Variants in CDH18 observed in about 807,000 individuals in gnomAD.
The protein encoded by CDH18 is cadherin 18, also known as cadherin-18.
CDH18 carries 31 observed loss-of-function variants against 67.9 expected under a neutral mutation model. That is an observed-to-expected ratio of 0.46 (90% CI 0.34 to 0.62). The LOEUF (loss-of-function observed/expected upper bound fraction) is 0.62, where lower values mean the gene tolerates loss of function less well. Among genes scored for constraint, CDH18 ranks in the 20% least tolerant of loss-of-function variants. CDH18 has a pLI of 0.01. For synonymous variants in CDH18, 362 were observed against 347.2 expected (o/e 1.04, Z -0.48); for missense variants, 890 against 975.5 (o/e 0.91, Z 1.17).
chr5:20,390,949 C>G (rs369726400), intron 1 of CDH18, among the ~76,000 whole-genome samples: 145 of 151,676 alleles, frequency 9.6e-4, no homozygotes, highest in African/African-American at 3.3e-3. Flanking sequence ...ACACATGGAC[C>G]CAGGAAGGGG....
chr5:19,943,255 A>G lies in CDH18; in HGVS notation c.-257+37805T>C, dbSNP rs374751387. Among the ~76,000 whole-genome samples the G allele has an allele frequency of 6.0e-4, 91 of 152,268 alleles. No individual in the cohort carries two copies. In the South Asian group the frequency reaches 0.016, roughly 27 times the overall value. On this transcript the variant is annotated intron_variant, in intron 2 of 12. Coordinates refer to ENST00000382275, the MANE Select transcript of CDH18 (RefSeq NM_004934.5). ...GTTAAAGGATTTGACAAGCATATAC[A>G]GTTGCTGTATGGTGAAGTTAGAATT...
intron 2 of CDH18, among the ~76,000 whole-genome samples, chr5:20,075,235 T>C (rs1743822524): frequency 6.6e-6 from 1 of 152,128 alleles, no homozygotes; most frequent in Non-Finnish European, 1.5e-5. Context: ...CTGGACGCAG[T>C]GGATCACACC....
At chr5:20,389,290 C>T (rs1023181313) in intron 1 of CDH18, among the ~76,000 whole-genome samples, 7 of 152,092 alleles carry the variant, frequency 4.6e-5, no homozygotes, top group African/African-American at 1.7e-4. Flanking sequence ...TGAATTGATC[C>T]CTTTACCATT....
At chr5:20,244,270 G>C (rs2940455) in intron 2 of CDH18, among the ~76,000 whole-genome samples, 71,873 of 151,832 alleles carry the variant, frequency 0.47, 17,943 homozygotes, top group Middle Eastern at 0.63. Flanking sequence ...GAATAAGACT[G>C]TCAAAGAAAG....
chr5:19,559,608 C>A (rs559530537), intron 8 of CDH18, among the ~76,000 whole-genome samples: 1 of 152,080 alleles, frequency 6.6e-6, no homozygotes, highest in African/African-American at 2.4e-5. Context: ...TGGAACAAGT[C>A]AAGGATGTTT....
chr5:19,942,074 A>C (rs576234194), intron 2 of CDH18, among the ~76,000 whole-genome samples: 69 of 152,252 alleles, frequency 4.5e-4, no homozygotes, highest in African/African-American at 1.6e-3. Flanking sequence ...ACTTCAAAAA[A>C]ATAAGACCTA....
intron 5 of CDH18, among the ~76,000 whole-genome samples, chr5:19,685,753 C>T (rs1165031709): frequency 6.6e-6 from 1 of 152,150 alleles, no homozygotes; most frequent in East Asian, 1.9e-4. Context: ...TATTACATCA[C>T]CTGTGTAAAC....
intron 7 of CDH18, among the ~76,000 whole-genome samples, chr5:19,587,024 CTGTT>C (rs1349816719): frequency 1.3e-5 from 2 of 151,418 alleles, no homozygotes; most frequent in Admixed American, 6.6e-5. Context: ...AAGTGTCTGT[CTGTT>C]CATGTCCTTT....
chr5:19,714,244 C>T (rs1765071847), intron 5 of CDH18, among the ~76,000 whole-genome samples: 1 of 150,628 alleles, frequency 6.6e-6, no homozygotes, highest in Non-Finnish European at 1.5e-5. Context: ...CTGGCCAGAG[C>T]AGTGTTGATA....
At chr5:20,373,861 C>T (rs980910502) in intron 1 of CDH18, among the ~76,000 whole-genome samples, 2 of 151,762 alleles carry the variant, frequency 1.3e-5, no homozygotes, top group African/African-American at 4.8e-5. Flanking sequence ...TCTAAACATC[C>T]CTATGTATAT....
chr5:19,703,716 C>T (rs909378286), intron 5 of CDH18, among the ~76,000 whole-genome samples: 1 of 151,584 alleles, frequency 6.6e-6, no homozygotes, highest in African/African-American at 2.4e-5. Flanking sequence ...ACACACACAC[C>T]CCCTGCCCCC....
chr5:19,489,255 T>C (rs1291942777), intron 11 of CDH18, among the ~76,000 whole-genome samples: 2 of 148,730 alleles, frequency 1.3e-5, no homozygotes, highest in Non-Finnish European at 3.0e-5. Context: ...TTTTTCTTTT[T>C]TTTTTTTTTT....
intron 2 of CDH18, among the ~76,000 whole-genome samples, chr5:19,994,766 G>A (rs1418783054): frequency 9.6e-6 from 1 of 104,432 alleles, no homozygotes; most frequent in East Asian, 2.8e-4. Flanking sequence ...GAGAGAGAGA[G>A]AGAGAGAGAG....
chr5:20,127,469 G>C (rs1748929076), intron 2 of CDH18, among the ~76,000 whole-genome samples: 1 of 151,904 alleles, frequency 6.6e-6, no homozygotes, highest in African/African-American at 2.4e-5. Context: ...AATGGAAATA[G>C]AAAATATGCT....
At chr5:19,772,926 A>G (rs550384727) in intron 3 of CDH18, among the ~76,000 whole-genome samples, 1 of 152,326 alleles carries the variant, frequency 6.6e-6, no homozygotes, top group African/African-American at 2.4e-5. Context: ...GACCAAAATT[A>G]AGATTAAACA....
intron 2 of CDH18, among the ~76,000 whole-genome samples, chr5:20,066,079 A>G (rs1316993359): frequency 6.6e-6 from 1 of 152,040 alleles, no homozygotes; most frequent in Non-Finnish European, 1.5e-5. Context: ...TCATATTCCA[A>G]ATAAGACTAT....
intron 2 of CDH18, among the ~76,000 whole-genome samples, chr5:19,976,020 T>C (rs1429896346): frequency 1.3e-5 from 2 of 152,164 alleles, no homozygotes. Flanking sequence ...AAGAACTGCC[T>C]CTGAAGTTGG....
At position 20,360,954 on chromosome 5, in the gene CDH18, G is replaced by A. The variant is rs1284288622; in HGVS notation, c.-579-105449C>T. 2.0e-5 allele frequency among the ~76,000 whole-genome samples: 3 copies of A among 151,982 alleles called. No individual in the cohort carries two copies. The East Asian group carries it at 5.8e-4, about 29-fold the overall frequency. ...ATGCTTTTAAAAACATTGTAATAGA[G>A]TATTCAACCATAAGTGATTTTATTT... On this transcript the variant is annotated intron_variant, in intron 1 of 14. Transcript: ENST00000507958.
chr5:20,551,789 T>C (rs1214583341), intron 1 of CDH18, among the ~76,000 whole-genome samples: 1 of 151,908 alleles, frequency 6.6e-6, no homozygotes, highest in Non-Finnish European at 1.5e-5. Flanking sequence ...TTGGTCAGTG[T>C]TTTTTTTAAG....
Sources: gnomAD v4.1 joint callset for allele counts (sites outside exome capture counted in the v4.1 genomes callset) on GRCh38, gnomAD v4.1.1 for gene constraint, MANE v1.5 for transcripts, NCBI Gene and HGNC (gene_info 2026-07-23, HGNC 2026-07-21) for gene names.